The following TTC22 variants were observed in gnomAD, a reference collection of about 807,000 sequenced individuals.
TTC22 encodes the protein tetratricopeptide repeat domain 22, also known as tetratricopeptide repeat protein 22.
A neutral mutation model predicts 48.2 loss-of-function variants in TTC22; 42 were observed. The observed-to-expected ratio is 0.87, with a 90% confidence interval of 0.68 to 1.13. The LOEUF (loss-of-function observed/expected upper bound fraction) is 1.13, where lower values mean the gene tolerates loss of function less well. Among genes scored for constraint, TTC22 ranks in the 50% most tolerant of loss-of-function variants. TTC22 has a pLI of 0.00. For synonymous variants in TTC22, 345 were observed against 365.5 expected, an observed-to-expected ratio of 0.94 and a Z score of 0.64; for missense variants, 784 against 807.0, an observed-to-expected ratio of 0.97 and a Z score of 0.34.
At chr1:54,798,981 T>C (rs909702177) in intron 1 of TTC22, among the ~76,000 whole-genome samples, 1 of 152,240 alleles carries the variant, frequency 6.6e-6, no homozygotes, top group Non-Finnish European at 1.5e-5. Context: ...ACCATCATTA[T>C]TGTCATCCTG....
intron 1 of TTC22, 108 bp downstream of exon 1, chr1:54,800,489 C>A (rs1477981803): frequency 1.9e-6 from 2 of 1,054,362 alleles, no homozygotes; most frequent in Non-Finnish European, 2.6e-6. Context: ...GGCCAAAAGA[C>A]CATGGTTGAG....
chr1:54,800,728 C>T lies in TTC22; in HGVS notation c.436G>A (p.Ala146Thr), dbSNP rs918154223. ...CCCTGCTCGGCCAGGCAGCGAGCGGCGCGGAGCTGGGGGTCCCCGGCGGCC... is the reference window on the plus strand; with the variant it reads ...CCCTGCTCGGCCAGGCAGCGAGCGGTGCGGAGCTGGGGGTCCCCGGCGGCC... ...PEAAGDPQLRAARCLAEQGYA... is the reference protein window; with the variant it reads ...PEAAGDPQLRTARCLAEQGYA... The change falls in exon 1 of 7, where the codon GCC (alanine) becomes ACC (threonine). Residue 146 changes from alanine (A) to threonine (T), a missense_variant. Transcript: ENST00000371276. 2 of 1,544,390 alleles carry T rather than the reference C, an allele frequency of 1.3e-6. No homozygotes were observed. Among genetic ancestry groups the T allele is most frequent in the African/African-American group, 1.4e-5 (1 of 73,198 alleles).
At chr1:54,783,535 G>A (rs531110256) in intron 5 of TTC22, among the ~76,000 whole-genome samples, 2 of 152,188 alleles carry the variant, frequency 1.3e-5, no homozygotes, top group Non-Finnish European at 2.9e-5. Flanking sequence ...CACTGTTCCA[G>A]GCACTGAGAA....
intron 1 of TTC22, among the ~76,000 whole-genome samples, chr1:54,792,321 A>G (rs1358655167): frequency 6.6e-6 from 1 of 152,224 alleles, no homozygotes; most frequent in Non-Finnish European, 1.5e-5. Context: ...AATGGGATAC[A>G]CAGACCTAGT....
chr1:54,784,782 T>C, intron 5 of TTC22: 1 of 1,297,336 alleles, frequency 7.7e-7, no homozygotes, highest in Non-Finnish European at 1.0e-6. Flanking sequence ...CTCTTCGGCT[T>C]GCAGTGAAGT....
chr1:54,781,894 T>C (rs1646266347), intron 6 of TTC22, 115 bp from the exon 7 acceptor site: 2 of 946,428 alleles, frequency 2.1e-6, no homozygotes, highest in Admixed American at 7.6e-5. Flanking sequence ...CCACCCTCTC[T>C]CCATCGACAA....
At chr1:54,787,185 A>G (rs1176600254) in intron 3 of TTC22, 110 bp from the exon 4 acceptor site, 1 of 586,366 alleles carries the variant, frequency 1.7e-6, no homozygotes, top group Admixed American at 3.5e-5. Flanking sequence ...GGGATAGTAG[A>G]GTGGGATCAC....
chr1:54,799,979 G>A (rs1646420472), intron 1 of TTC22, among the ~76,000 whole-genome samples: 1 of 152,176 alleles, frequency 6.6e-6, no homozygotes, highest in Non-Finnish European at 1.5e-5. Context: ...GAGCACGGGG[G>A]AGCTGGAATT....
intron 5 of TTC22, among the ~76,000 whole-genome samples, 156 bp from the exon 6 acceptor site, chr1:54,782,633 T>C (rs1194541450): frequency 6.6e-6 from 1 of 152,134 alleles, no homozygotes; most frequent in Non-Finnish European, 1.5e-5. Context: ...GAGTCCTAGG[T>C]CCTAGCCTTG....
chr1:54,797,595 C>A (rs1240584353), intron 1 of TTC22, among the ~76,000 whole-genome samples: 1 of 151,998 alleles, frequency 6.6e-6, no homozygotes, highest in Non-Finnish European at 1.5e-5. Context: ...TTGCAGTGAG[C>A]CGAGATCGTG....
At chr1:54,787,379 G>A in intron 3 of TTC22, 1 of 562,086 alleles carries the variant, frequency 1.8e-6, no homozygotes, top group Non-Finnish European at 3.2e-6. Flanking sequence ...TGCTCTTGCT[G>A]TCTGGCCCTG....
At chr1:54,800,570 G>A in intron 1 of TTC22, 27 bp downstream of exon 1, 3 of 1,454,784 alleles carry the variant, frequency 2.1e-6, no homozygotes, top group Middle Eastern at 1.8e-4. Context: ...CCTCCCAGAG[G>A]GAGGTAGGGA....
intron 5 of TTC22, among the ~76,000 whole-genome samples, chr1:54,784,249 T>C (rs1646283638): frequency 6.6e-6 from 1 of 152,204 alleles, no homozygotes; most frequent in African/African-American, 2.4e-5. Flanking sequence ...CAGCATGGAC[T>C]GAGGCTTTTA....
At chr1:54,800,212 G>A (rs7537571) in intron 1 of TTC22, among the ~76,000 whole-genome samples, 16,882 of 152,244 alleles carry the variant, frequency 0.11, 1,064 homozygotes, top group Admixed American at 0.15. Context: ...ATGGAGGTGA[G>A]GGGGAGAGAA....
intron 5 of TTC22, among the ~76,000 whole-genome samples, chr1:54,783,284 G>A (rs1311448118): frequency 6.6e-6 from 1 of 152,192 alleles, no homozygotes; most frequent in African/African-American, 2.4e-5. Flanking sequence ...TTGGACTAGG[G>A]TTTGAATTCC....
At chr1:54,791,149 C>T (rs561412195) in intron 1 of TTC22, among the ~76,000 whole-genome samples, 15 of 152,268 alleles carry the variant, frequency 9.9e-5, no homozygotes, top group African/African-American at 2.4e-4. Context: ...TGTGAGCCAC[C>T]GCGTCCGGCC....
At chr1:54,788,590 A>G (rs1465920091) in intron 1 of TTC22, among the ~76,000 whole-genome samples, 1 of 152,190 alleles carries the variant, frequency 6.6e-6, no homozygotes, top group Non-Finnish European at 1.5e-5. Flanking sequence ...TGGGCACCAG[A>G]TAAAATATTT....
chr1:54,782,425 C>T lies in TTC22; in HGVS notation c.1073G>A (p.Gly358Glu). 2 of 1,551,468 alleles carry T rather than the reference C, an allele frequency of 1.3e-6. No homozygotes were observed. Among genetic ancestry groups the T allele is most frequent in the Non-Finnish European group, 1.7e-6 (2 of 1,146,906 alleles). Residue 358 changes from glycine to glutamate, a missense_variant, in exon 6 of 7, where the codon GGG becomes GAG. Gly to Glu is a moderately conservative substitution (Grantham distance 98). Coordinates refer to ENST00000371276, the MANE Select transcript of TTC22 (RefSeq NM_001114108.2). ...CAGGTGGTTCCTGTCAGGCATGCCC[C>T]CGAGACCCATCTTGGCCCGCTTGAG... is the stretch of plus-strand genomic sequence containing the variant. ...HDLKRAKMGL[G>E]GMPDRNHLAC...
At position 54,800,680 on chromosome 1, in the gene TTC22, C is replaced by G. The variant is rs545846867; in HGVS notation, c.484G>C (p.Gly162Arg). The change falls in exon 1 of 7, where the codon GGC (glycine) becomes CGC (arginine). Residue 162 changes from glycine (G) to arginine (R), a missense_variant. Gly to Arg is a moderately radical substitution (Grantham distance 125, BLOSUM62 -2). Coordinates refer to ENST00000371276, the MANE Select transcript of TTC22 (RefSeq NM_001114108.2). ...EQGYAHGFDV[G>R]CASPEERARG... ...GCACGCTCCTCTGGGCTGGCGCAGCCGACGTCGAAGCCATGCGCGTAGCCC... is the reference window on the plus strand; with the variant it reads ...GCACGCTCCTCTGGGCTGGCGCAGCGGACGTCGAAGCCATGCGCGTAGCCC... 5 of 1,551,662 alleles carry G rather than the reference C, an allele frequency of 3.2e-6. No homozygotes were observed. In the South Asian group the frequency reaches 4.7e-5, roughly 15 times the overall value.
Sources: gnomAD v4.1 joint callset for allele counts (sites outside exome capture counted in the v4.1 genomes callset) on GRCh38, gnomAD v4.1.1 for gene constraint, MANE v1.5 for transcripts, NCBI Gene and HGNC (gene_info 2026-07-23, HGNC 2026-07-21) for gene names.